Variants in ANO5 observed in about 807,000 individuals in gnomAD.
ANO5 encodes the protein anoctamin 5, also known as anoctamin-5.
In ANO5, 109 loss-of-function variants were observed where a neutral mutation model predicts 121.0. The ratio of observed to expected loss-of-function variants is 0.90; its 90% confidence interval spans 0.77 to 1.06. The LOEUF (loss-of-function observed/expected upper bound fraction) is 1.06, where lower values mean the gene tolerates loss of function less well. ANO5 is among the 50% of genes least tolerant of loss of function. ANO5 has a pLI of 0.00. For synonymous variants in ANO5, 406 were observed against 359.9 expected, an observed-to-expected ratio of 1.13 and a Z score of -1.45; for missense variants, 1,064 against 1,078.5, an observed-to-expected ratio of 0.99 and a Z score of 0.19.
Position 22,281,836 on chromosome 11 carries a change from A to T in ANO5, c.*2071A>T, listed in dbSNP as rs568934998. The T allele has an allele frequency of 6.6e-6, 1 of 152,308 alleles. No individual in the cohort carries two copies. Among genetic ancestry groups the T allele is most frequent in the East Asian group, 1.9e-4 (1 of 5,192 alleles). The allele number at this position is 152,308 out of a possible 1,614,324, so 9.4% of individuals were successfully genotyped here. A position where few individuals can be genotyped will look rare whatever the true frequency, so the allele number is the denominator to read the frequency against. On this transcript the variant is annotated 3_prime_UTR_variant, in exon 22 of 22. Transcript: ENST00000324559. ...GTTTCTGGAAGTGAATGGAGAAAAC[A>T]GCAAGGGAAGAAATCGTTTTTAAGA... is the stretch of plus-strand genomic sequence containing the variant.
chr11:22,279,428 C>A, intron 21 of ANO5, 116 bp from the exon 22 acceptor site: 1 of 850,732 alleles, frequency 1.2e-6, no homozygotes, highest in Non-Finnish European at 1.9e-6. Context: ...TCTTCCTTGC[C>A]TTTCTACCTC....
chr11:22,260,046 C>T (rs1854143784), intron 15 of ANO5, among the ~76,000 whole-genome samples: 1 of 151,368 alleles, frequency 6.6e-6, no homozygotes, highest in Non-Finnish European at 1.5e-5. Flanking sequence ...GAAAAATAAT[C>T]ACTTTACTGA....
intron 2 of ANO5, among the ~76,000 whole-genome samples, chr11:22,209,068 A>G (rs1055134434): frequency 6.6e-6 from 1 of 152,008 alleles, no homozygotes; most frequent in African/African-American, 2.4e-5. Flanking sequence ...GAATGTTTTT[A>G]GGCTTTTACA....
chr11:22,270,901 T>C (rs922241381), intron 18 of ANO5, among the ~76,000 whole-genome samples: 3 of 152,156 alleles, frequency 2.0e-5, no homozygotes, highest in Admixed American at 6.5e-5. Flanking sequence ...AAGGGAAATA[T>C]AAGCTGAACA....
chr11:22,247,369 T>G (rs1040454071), intron 9 of ANO5, among the ~76,000 whole-genome samples: 1 of 152,158 alleles, frequency 6.6e-6, no homozygotes, highest in African/African-American at 2.4e-5. Context: ...AATTTTTCTT[T>G]AGAAACATCA....
intron 2 of ANO5, among the ~76,000 whole-genome samples, chr11:22,204,283 A>G (rs1393358302): frequency 1.3e-5 from 2 of 152,146 alleles, no homozygotes; most frequent in African/African-American, 4.8e-5. Context: ...AATAAATTAA[A>G]TACTACTTGT....
chr11:22,207,814 C>G (rs1852163377), intron 2 of ANO5, among the ~76,000 whole-genome samples: 1 of 151,736 alleles, frequency 6.6e-6, no homozygotes, highest in South Asian at 2.1e-4. Flanking sequence ...TTATAAAGAA[C>G]CCATAAAATT....
intron 13 of ANO5, among the ~76,000 whole-genome samples, chr11:22,257,087 G>A (rs1854026554): frequency 6.6e-6 from 1 of 151,134 alleles, no homozygotes; most frequent in Non-Finnish European, 1.5e-5. Flanking sequence ...TTTTTTGTTT[G>A]TTTGTTTTGT....
intron 21 of ANO5, among the ~76,000 whole-genome samples, chr11:22,278,906 T>A (rs963478689): frequency 6.6e-6 from 1 of 151,474 alleles, no homozygotes; most frequent in Non-Finnish European, 1.5e-5. Flanking sequence ...CAATATGTTG[T>A]CATACCTCCA....
rs36077990 is a variant in ANO5, at chr11:22,259,948, G to GAAA, written c.1630+219_1630+221dup. 7.7e-3 allele frequency among the ~76,000 whole-genome samples: 1,100 copies of GAAA among 142,304 alleles called. 14 individuals carry two copies. The highest frequency in any genetic ancestry group is 0.027 in the African/African-American group (1,024 of 38,208). 93.4% of individuals were successfully genotyped at this position (142,304 alleles called of 152,430 possible). A position where few individuals can be genotyped will look rare whatever the true frequency, so the allele number is the denominator to read the frequency against. Reference sequence around the variant, plus strand: ...TTATAAAGGAAGAGGCAAAATAACTGAAAAAAAAAAAAAAGAATTCTGACT... The same window carrying GAAA: ...TTATAAAGGAAGAGGCAAAATAACTGAAAAAAAAAAAAAAAAAGAATTCTGACT... On this transcript the variant is annotated intron_variant, in intron 15 of 21. Coordinates refer to ENST00000324559, the MANE Select transcript of ANO5 (RefSeq NM_213599.3).
chr11:22,220,033 A>C (rs1852589954), intron 4 of ANO5, among the ~76,000 whole-genome samples: 2 of 151,794 alleles, frequency 1.3e-5, no homozygotes, highest in Admixed American at 1.3e-4. Context: ...CACAGATCAA[A>C]CATGAGACTT....
rs142412047 is a variant in ANO5 at position 22,196,976 on chromosome 11, A to G, written c.40+3444A>G. On this transcript the variant is annotated intron_variant, in intron 1 of 21. Transcript: ENST00000324559. ...TCAAGTTCCAGAGCATCAATTTTTA[A>G]TAGCTACTTTCATTTCTATGTTTTA... Among the ~76,000 whole-genome samples, 29 of 152,350 alleles carry G rather than the reference A, an allele frequency of 1.9e-4. No individual in the cohort carries two copies. The East Asian group carries it at 5.6e-3, about 29-fold the overall frequency.
intron 2 of ANO5, among the ~76,000 whole-genome samples, chr11:22,209,276 A>G (rs1246405992): frequency 6.6e-6 from 1 of 151,914 alleles, no homozygotes; most frequent in African/African-American, 2.4e-5. Context: ...TTAAACATGC[A>G]TGACATGATT....
At chr11:22,277,215 A>G (rs539442998) in intron 21 of ANO5, among the ~76,000 whole-genome samples, 4 of 151,446 alleles carry the variant, frequency 2.6e-5, no homozygotes, top group South Asian at 2.1e-4. Flanking sequence ...AGAGAGGGGG[A>G]AAAAAAACTT....
intron 5 of ANO5, 25 bp from the exon 6 acceptor site, chr11:22,225,959 T>C (rs1852813682): frequency 1.3e-6 from 2 of 1,546,282 alleles, no homozygotes; most frequent in Non-Finnish European, 1.8e-6. Context: ...TTCTGCATAA[T>C]TCTGTTGATT....
At chr11:22,199,751 T>C (rs1851910515) in intron 1 of ANO5, among the ~76,000 whole-genome samples, 1 of 152,100 alleles carries the variant, frequency 6.6e-6, no homozygotes, top group African/African-American at 2.4e-5. Flanking sequence ...TGTGATGTGT[T>C]GTGTTTTGGT....
chr11:22,230,262 G>T (rs895598580), intron 7 of ANO5, among the ~76,000 whole-genome samples: 3 of 151,850 alleles, frequency 2.0e-5, no homozygotes, highest in Admixed American at 6.6e-5. Flanking sequence ...TATGTGTATA[G>T]AAAGAGAAAC....
intron 9 of ANO5, among the ~76,000 whole-genome samples, chr11:22,241,334 G>A (rs1853425229): frequency 2.0e-5 from 1 of 50,740 alleles, no homozygotes; most frequent in Non-Finnish European, 4.2e-5. Flanking sequence ...TTGCTATTGT[G>A]AATAGTGCTG....
At chr11:22,236,936 G>A (rs533027715) in intron 8 of ANO5, among the ~76,000 whole-genome samples, 96 of 152,226 alleles carry the variant, frequency 6.3e-4, no homozygotes, top group African/African-American at 2.1e-3. Flanking sequence ...GACATTTTAC[G>A]TGATTCACCT....
Sources: allele counts gnomAD v4.1 joint callset (sites outside exome capture counted in the v4.1 genomes callset), GRCh38; gene constraint gnomAD v4.1.1; transcripts MANE v1.5; gene names NCBI Gene and HGNC (gene_info 2026-07-23, HGNC 2026-07-21).